The following VPS54 variants were observed in gnomAD, a reference collection of about 807,000 sequenced individuals.
VPS54 encodes vacuolar protein sorting-associated protein 54.
A neutral mutation model predicts 121.5 loss-of-function variants in VPS54; 45 were observed. That is an observed-to-expected ratio of 0.37 (90% CI 0.29 to 0.47). VPS54 has a LOEUF of 0.47. Ranked by LOEUF, VPS54 falls within the 20% of genes least tolerant of loss-of-function variation. The pLI, the probability that VPS54 is intolerant of heterozygous loss-of-function variation, is 0.99. For missense variants in VPS54, 1,090 were observed against 1,131.4 expected, an observed-to-expected ratio of 0.96 and a Z score of 0.52; for synonymous variants, 371 against 385.8, an observed-to-expected ratio of 0.96 and a Z score of 0.45.
intron 12 of VPS54, among the ~76,000 whole-genome samples, chr2:63,929,681 GAC>G (rs1303476119): frequency 6.8e-6 from 1 of 146,908 alleles, no homozygotes; most frequent in Non-Finnish European, 1.5e-5. Context: ...AGAACTGAAG[GAC>G]ACAGAGACAT....
At chr2:63,963,994 A>G (rs538675492) in intron 6 of VPS54, among the ~76,000 whole-genome samples, 16 of 152,136 alleles carry the variant, frequency 1.1e-4, no homozygotes, top group South Asian at 2.1e-4. Context: ...CAGTGCAGTG[A>G]TTTGCATTCC....
At chr2:64,008,081 A>C (rs1423961187) in intron 1 of VPS54, among the ~76,000 whole-genome samples, 1 of 151,980 alleles carries the variant, frequency 6.6e-6, no homozygotes, top group Non-Finnish European at 1.5e-5. Context: ...CCATATTTGT[A>C]GGCAAACAGC....
At chr2:63,957,755 C>T (rs1445260159) in intron 7 of VPS54, among the ~76,000 whole-genome samples, 2 of 152,096 alleles carry the variant, frequency 1.3e-5, no homozygotes, top group South Asian at 2.1e-4. Context: ...TAGGAAGATG[C>T]TACCACTTTA....
chr2:63,994,613 G>C (rs1198240821), intron 1 of VPS54, among the ~76,000 whole-genome samples: 2 of 152,146 alleles, frequency 1.3e-5, no homozygotes, highest in African/African-American at 4.8e-5. Flanking sequence ...CTCAAGTCTG[G>C]GCTGCTTATC....
At position 64,008,187 on chromosome 2, in the gene VPS54, T is replaced by C. The variant is rs563086199; in HGVS notation, c.-21+10751A>G. On this transcript the variant is annotated intron_variant, in intron 1 of 22. Transcript: ENST00000272322. ...CAGCACTTTGGGAGGACGAGGTGGT[T>C]AGATCACCTGAGGTCAGGAGTTCAA... is the stretch of plus-strand genomic sequence containing the variant. Among the ~76,000 whole-genome samples the C allele has an allele frequency of 1.4e-3, 215 of 152,002 alleles. 1 individual carries two copies. Among genetic ancestry groups the C allele is most frequent in the African/African-American group, 4.9e-3 (205 of 41,456 alleles).
intron 9 of VPS54, 106 bp downstream of exon 9, chr2:63,947,277 T>A (rs960705614): frequency 2.8e-6 from 3 of 1,064,594 alleles, no homozygotes; most frequent in Non-Finnish European, 3.8e-6. Flanking sequence ...TTTACATAAA[T>A]GAGCTATATT....
intron 3 of VPS54, 38 bp from the exon 4 acceptor site, chr2:63,972,282 A>C (rs1676322830): frequency 6.9e-7 from 1 of 1,441,726 alleles, no homozygotes; most frequent in East Asian, 2.3e-5. Context: ...ATGTATGTGT[A>C]AACATGAGTA....
chr2:63,915,353 A>G (rs1390230682), intron 16 of VPS54, among the ~76,000 whole-genome samples: 1 of 152,134 alleles, frequency 6.6e-6, no homozygotes, highest in African/African-American at 2.4e-5. Flanking sequence ...AGGATTTATA[A>G]GAGCCTGAAA....
chr2:63,974,152 T>A (rs1676412620), intron 3 of VPS54, among the ~76,000 whole-genome samples: 2 of 152,240 alleles, frequency 1.3e-5, no homozygotes, highest in African/African-American at 2.4e-5. Context: ...TATGTCTATA[T>A]TCTTTCTCTT....
intron 3 of VPS54, chr2:63,975,022 C>G: frequency 3.2e-6 from 5 of 1,549,454 alleles, no homozygotes; most frequent in Non-Finnish European, 4.4e-6. Context: ...TCTAGTTTCC[C>G]CATTAGCTAC....
At chr2:64,007,495 T>C (rs770621133) in intron 1 of VPS54, among the ~76,000 whole-genome samples, 2 of 152,226 alleles carry the variant, frequency 1.3e-5, no homozygotes, top group Non-Finnish European at 2.9e-5. Flanking sequence ...TTGCCTCTAC[T>C]TGAAAACTTC....
rs1676279060 is a variant in VPS54 at position 63,971,387 on chromosome 2, T to C, written c.457+779A>G. 2.6e-5 allele frequency among the ~76,000 whole-genome samples: 4 copies of C among 152,342 alleles called. No individual in the cohort carries two copies. In the South Asian group the frequency reaches 8.3e-4, roughly 32 times the overall value. On this transcript the variant is annotated intron_variant, in intron 4 of 22. Transcript: ENST00000272322. ...AATATTATGTAGCTTTATAGTGTCT[T>C]CAGAAAAGGTAAAATTCCTTACCAC...
intron 14 of VPS54, 35 bp from the exon 15 acceptor site, chr2:63,920,030 T>A (rs545289889): frequency 1.3e-6 from 2 of 1,545,514 alleles, no homozygotes; most frequent in Admixed American, 3.6e-5. Flanking sequence ...AGGTAAACTT[T>A]AACATTTCAA....
Position 63,933,720 on chromosome 2 carries a change from G to C in VPS54, c.1692C>G (p.Ser564Arg), listed in dbSNP as rs768638486. Residue 564 changes from serine to arginine, a missense_variant, in exon 12 of 23, where the codon AGC becomes AGG. Ser to Arg is a moderately radical substitution (Grantham distance 110). Around this residue, in one of 2 missense-constraint regions of VPS54, gnomAD observed 801 missense variants for 757.0 expected, o/e 1.06. Coordinates refer to ENST00000272322, the MANE Select transcript of VPS54 (RefSeq NM_016516.3). ...TAGCAGATGATGATGTGTGCTCTTTGCTGGATGAAGAATCAGTAGTACATT... is the reference window on the plus strand; with the variant it reads ...TAGCAGATGATGATGTGTGCTCTTTCCTGGATGAAGAATCAGTAGTACATT... The part of the protein sequence containing the change: ...EPECTTDSSS[S>R]KEHTSSSAIP... The C allele has an allele frequency of 3.1e-6, 5 of 1,613,490 alleles. No individual in the cohort carries two copies. Among genetic ancestry groups the C allele is most frequent in the African/African-American group, 2.7e-5 (2 of 74,882 alleles).
At chr2:63,992,202 C>T (rs549997300) in intron 1 of VPS54, among the ~76,000 whole-genome samples, 20 of 152,290 alleles carry the variant, frequency 1.3e-4, no homozygotes, top group Non-Finnish European at 2.4e-4. Flanking sequence ...AGATAAGACA[C>T]GTGGCCCTGG....
chr2:63,914,035 T>C, intron 17 of VPS54, 147 bp downstream of exon 17: 1 of 1,027,200 alleles, frequency 9.7e-7, no homozygotes, highest in East Asian at 2.7e-5. Context: ...TCCAATAACA[T>C]GTTGTGATTC....
intron 16 of VPS54, among the ~76,000 whole-genome samples, chr2:63,916,642 A>C (rs1303460980): frequency 6.6e-6 from 1 of 152,134 alleles, no homozygotes; most frequent in Admixed American, 6.5e-5. Flanking sequence ...TGGGTTGTCT[A>C]GATTTCTTGT....
At chr2:63,898,756 C>G (rs961642580) in intron 21 of VPS54, among the ~76,000 whole-genome samples, 6 of 151,456 alleles carry the variant, frequency 4.0e-5, no homozygotes, top group African/African-American at 1.5e-4. Context: ...ACCAGGCACA[C>G]TTAGTTCAGA....
At chr2:63,917,494 G>C (rs1036690760) in intron 15 of VPS54, among the ~76,000 whole-genome samples, 1 of 151,828 alleles carries the variant, frequency 6.6e-6, no homozygotes, top group Admixed American at 6.6e-5. Context: ...TTTATTTTCA[G>C]CATGTGATAT....
Sources: allele counts gnomAD v4.1 joint callset (sites outside exome capture counted in the v4.1 genomes callset), GRCh38; gene constraint gnomAD v4.1.1; regional missense constraint gnomAD v4.1.1; transcripts MANE v1.5; gene names NCBI Gene and HGNC (gene_info 2026-07-23, HGNC 2026-07-21).